Variants in BUD31 observed in about 807,000 individuals in gnomAD.
BUD31 encodes BUD31 spliceosome associated protein.
In BUD31, 9 loss-of-function variants were observed where a neutral mutation model predicts 17.9. The ratio of observed to expected loss-of-function variants is 0.50; its 90% CI spans 0.30 to 0.88. BUD31 has a LOEUF of 0.88. BUD31 is among the 40% of genes least tolerant of loss of function. BUD31 has a pLI of 0.06. For missense variants in BUD31, 148 were observed against 184.5 expected, an observed-to-expected ratio of 0.80 and a Z score of 1.15; for synonymous variants, 70 against 64.7, an observed-to-expected ratio of 1.08 and a Z score of -0.39.
intron 4 of BUD31, chr7:99,417,073 T>G: frequency 8.4e-6 from 2 of 238,714 alleles, no homozygotes; most frequent in South Asian, 9.2e-5. Context: ...GCCTTTTTTT[T>G]TTTGAGATGG....
chr7:99,419,200 TCAA>T (rs1354311824), intron 5 of BUD31, 188 bp from the exon 6 acceptor site: 5 of 605,268 alleles, frequency 8.3e-6, no homozygotes, highest in East Asian at 2.8e-5. Flanking sequence ...AACCTCGGTG[TCAA>T]CAGCAGCTGG....
rs889517128 is a variant in BUD31, at chr7:99,417,869, C to A, written c.384+274C>A. 7.2e-6 allele frequency: 10 copies of A among 1,386,878 alleles called. No homozygotes were observed. The Middle Eastern group carries it at 8.3e-4, about 115-fold the overall frequency. The allele number at this position is 1,386,878 out of a possible 1,614,324, so 85.9% of individuals were successfully genotyped here. On this transcript the variant is annotated intron_variant, in intron 5 of 5. Coordinates refer to ENST00000222969, the MANE Select transcript of BUD31 (RefSeq NM_003910.4). ...CACTTAGGAAATGGTGGTGGGGAGC[C>A]CTAATCCCAAGGTGGTGGCAGGGTG...
chr7:99,409,923 A>C (rs1217548151), intron 1 of BUD31, 111 bp from the exon 2 acceptor site: 2 of 152,208 alleles, frequency 1.3e-5, no homozygotes, highest in Non-Finnish European at 2.9e-5. Flanking sequence ...ACGCTTTGCT[A>C]TTTAGATTGG....
In BUD31 at chr7:99,419,506, C is replaced by G; in HGVS notation, c.*65C>G. On this transcript the variant is annotated 3_prime_UTR_variant, in exon 6 of 6. Coordinates refer to ENST00000222969, the MANE Select transcript of BUD31 (RefSeq NM_003910.4). Reference sequence around the variant, plus strand: ...TCCTGCCTGTCACGCCACCCCCTTCCTGGGAGCAGCGAGCAGTGCCCCAGG... The same window carrying G: ...TCCTGCCTGTCACGCCACCCCCTTCGTGGGAGCAGCGAGCAGTGCCCCAGG... The G allele has an allele frequency of 6.3e-7, 1 of 1,587,136 alleles. No homozygotes were observed. The highest frequency in any genetic ancestry group is 1.1e-5 in the South Asian group (1 of 90,686).
chr7:99,416,060 A>G (rs549512933), intron 3 of BUD31, 78 bp from the exon 4 acceptor site: 17 of 1,574,780 alleles, frequency 1.1e-5, no homozygotes, highest in Non-Finnish European at 1.4e-5. Context: ...TTTATTCATT[A>G]TCAGTAGTTA....
chr7:99,411,237 T>C, intron 3 of BUD31, 51 bp downstream of exon 3: 1 of 1,400,006 alleles, frequency 7.1e-7, no homozygotes, highest in Non-Finnish European at 1.0e-6. Context: ...GGTCACAGGC[T>C]TAGATGCCCC....
intron 3 of BUD31, chr7:99,415,330 G>A (rs562123370): frequency 2.7e-6 from 1 of 364,114 alleles, no homozygotes; most frequent in Non-Finnish European, 5.5e-6. Context: ...CACCAAGGCA[G>A]AGAGAGAGAG....
In BUD31 at chr7:99,417,532, G is replaced by A. The variant is rs1236109408; in HGVS notation, c.321G>A (p.Gln107=). 3 of 1,611,908 alleles carry A rather than the reference G, an allele frequency of 1.9e-6. No homozygotes were observed. Among genetic ancestry groups the A allele is most frequent in the African/African-American group, 2.7e-5 (2 of 74,910 alleles). The change falls in exon 5 of 6, where the codon CAG becomes CAA. Residue 107 remains glutamine (Q), a synonymous_variant. Transcript: ENST00000222969. ...ACTTGTGCTGCCTGCGGTGCATTCA[G>A]ACACGGGACACCAACTTCGGGACGA... The part of the protein sequence containing the change: ...YENLCCLRCI[Q]TRDTNFGTNC...
At chr7:99,413,620 G>A (rs1461174834) in intron 3 of BUD31, among the ~76,000 whole-genome samples, 1 of 151,982 alleles carries the variant, frequency 6.6e-6, no homozygotes, top group Non-Finnish European at 1.5e-5. Flanking sequence ...TTTGAGACAG[G>A]GTCATCTGTC....
intron 5 of BUD31, chr7:99,417,825 AT>A (rs1795590432): frequency 5.4e-6 from 8 of 1,486,302 alleles, no homozygotes; most frequent in Non-Finnish European, 6.2e-6. Context: ...TTTTGGGCAA[AT>A]TACTGAACCC....
intron 4 of BUD31, among the ~76,000 whole-genome samples, chr7:99,416,514 GGTTCAAGCGATTCTCCT>G (rs1795472879): frequency 6.6e-6 from 1 of 151,862 alleles, no homozygotes; most frequent in East Asian, 1.9e-4. Context: ...CCACTTCCTG[GGTTCAAGCGATTCTCCT>G]GTCTCAGCTC....
intron 4 of BUD31, chr7:99,417,178 T>TCC (rs1795535279): frequency 2.5e-6 from 1 of 396,468 alleles, no homozygotes; most frequent in Non-Finnish European, 4.7e-6. Flanking sequence ...TGCCTCAGCC[T>TCC]CCTAAGTAGC....
intron 3 of BUD31, chr7:99,411,841 G>C (rs190565345): frequency 2.6e-6 from 1 of 390,500 alleles, no homozygotes; most frequent in African/African-American, 2.1e-5. Flanking sequence ...CGAGTAATTT[G>C]GATTACAGGC....
chr7:99,412,508 A>C (rs1795229025), intron 3 of BUD31, among the ~76,000 whole-genome samples: 1 of 152,176 alleles, frequency 6.6e-6, no homozygotes, highest in Admixed American at 6.5e-5. Flanking sequence ...AGCTCACTGA[A>C]GCCTCCACCT....
At chr7:99,411,390 T>TG (rs1795178635) in intron 3 of BUD31, 3 of 522,002 alleles carry the variant, frequency 5.7e-6, no homozygotes, top group African/African-American at 3.9e-5. Context: ...AAAAGGTGTT[T>TG]TTTTTTGTTT....
intron 5 of BUD31, chr7:99,417,890 G>A (rs1795594226): frequency 7.4e-7 from 1 of 1,345,936 alleles, no homozygotes; most frequent in Non-Finnish European, 9.6e-7. Flanking sequence ...GGTGGTGGCA[G>A]GGTGACATCA....
At chr7:99,416,441 A>G (rs1008862517) in intron 4 of BUD31, 181 bp downstream of exon 4, 5 of 703,138 alleles carry the variant, frequency 7.1e-6, no homozygotes, top group Non-Finnish European at 1.1e-5. Flanking sequence ...TTGTTTTGAG[A>G]TGGAGTCTCA....
chr7:99,411,038 GA>G, intron 2 of BUD31, 25 bp from the exon 3 acceptor site: 4 of 1,506,622 alleles, frequency 2.7e-6, no homozygotes, highest in Non-Finnish European at 3.7e-6. Flanking sequence ...TTGAGACTCA[GA>G]AACCAATTCA....
chr7:99,415,985 G>C (rs988159504), intron 3 of BUD31, 153 bp from the exon 4 acceptor site: 3 of 910,684 alleles, frequency 3.3e-6, no homozygotes, highest in Admixed American at 5.5e-5. Flanking sequence ...TCGTGCCCTC[G>C]GTTTCTTGCC....
Sources: allele counts gnomAD v4.1 joint callset (sites outside exome capture counted in the v4.1 genomes callset), GRCh38; gene constraint gnomAD v4.1.1; transcripts MANE v1.5; gene names NCBI Gene and HGNC (gene_info 2026-07-23, HGNC 2026-07-21).